The following MAP3K4 variants were observed in gnomAD, a reference collection of about 807,000 sequenced individuals.
MAP3K4 encodes the protein mitogen-activated protein kinase kinase kinase 4.
MAP3K4 carries 67 observed loss-of-function variants against 185.6 expected under a neutral mutation model. The ratio of observed to expected loss-of-function variants is 0.36; its 90% CI spans 0.30 to 0.44. The LOEUF is 0.44. Among genes scored for constraint, MAP3K4 ranks in the 20% least tolerant of loss-of-function variants. The probability of loss-of-function intolerance (pLI) is 1.00; values close to 1 mark genes in which losing one functional copy is unlikely to be tolerated. For synonymous variants in MAP3K4, 702 were observed against 710.4 expected, an observed-to-expected ratio of 0.99 and a Z score of 0.19; for missense variants, 1,551 against 1,995.1, an observed-to-expected ratio of 0.78 and a Z score of 4.24.
At chr6:161,045,994 T>A (rs1783713888) in intron 2 of MAP3K4, among the ~76,000 whole-genome samples, 1 of 152,190 alleles carries the variant, frequency 6.6e-6, no homozygotes, top group South Asian at 2.1e-4. Context: ...CTGTACATAC[T>A]AATAATTTCC....
rs1479622165 is a variant in MAP3K4 at position 161,063,560 on chromosome 6, C to G, written c.1708-7048C>G. Among the ~76,000 whole-genome samples, 1 of 152,132 alleles carries G rather than the reference C, an allele frequency of 6.6e-6. No individual in the cohort carries two copies. Among genetic ancestry groups the G allele is most frequent in the Non-Finnish European group, 1.5e-5 (1 of 68,016 alleles). ...TATTGTTTGAGGTCTGTGGACTGTT[C>G]TTCTTCCCATGTTCTCGATCTCCTC... is the stretch of plus-strand genomic sequence containing the variant. On this transcript the variant is annotated intron_variant, in intron 3 of 26. Coordinates refer to ENST00000392142, the MANE Select transcript of MAP3K4 (RefSeq NM_005922.4). This position sits in a 1 kb window ranked among gnomAD's most constrained non-coding sequence, Gnocchi z 5.4.
chr6:161,049,956 G>T lies in MAP3K4; in HGVS notation c.1684G>T (p.Val562Leu). Residue 562 changes from valine to leucine, a missense_variant, in exon 3 of 27, where the codon GTA becomes TTA. Coordinates refer to ENST00000392142, the MANE Select transcript of MAP3K4 (RefSeq NM_005922.4). This position sits in a 1 kb window ranked among gnomAD's most constrained non-coding sequence, Gnocchi z 8.4. ...GSLQRARIAL[V>L]KNDRPVEFSE... ...CTTGCAAAGGGCACGTATAGCATTG[G>T]TAAAGAACGATCGTCCAGTGGAGGT... The T allele has an allele frequency of 6.2e-7, 1 of 1,611,368 alleles. No individual in the cohort carries two copies. The highest frequency in any genetic ancestry group is 8.5e-7 in the Non-Finnish European group (1 of 1,178,734).
At chr6:161,006,648 CTCCTT>C (rs1781595433) in intron 1 of MAP3K4, among the ~76,000 whole-genome samples, 1 of 152,134 alleles carries the variant, frequency 6.6e-6, no homozygotes, top group Non-Finnish European at 1.5e-5. Context: ...ATTGAGCTCT[CTCCTT>C]TAAGGGATTT....
intron 1 of MAP3K4, among the ~76,000 whole-genome samples, chr6:161,032,179 A>T (rs1471180736): frequency 6.6e-6 from 1 of 152,194 alleles, no homozygotes; most frequent in Non-Finnish European, 1.5e-5. Flanking sequence ...TTAAATGAAA[A>T]CAGAAACCTT....
chr6:160,991,911 C>A lies in MAP3K4; in HGVS notation c.-21C>A. Reference sequence around the variant, plus strand: ...GCTGCAGCTTACTGCCCGCCGCGGCCATGCGGGGCTCCGTGCACGGATGAG... The same window carrying A: ...GCTGCAGCTTACTGCCCGCCGCGGCAATGCGGGGCTCCGTGCACGGATGAG... On this transcript the variant is annotated 5_prime_UTR_variant, in exon 1 of 27. Transcript: ENST00000392142. The surrounding 1 kb of genome is among the most constrained non-coding windows in gnomAD (Gnocchi z 5.7). 1 of 1,505,154 alleles carries A rather than the reference C, an allele frequency of 6.6e-7. No individual in the cohort carries two copies. The highest frequency in any genetic ancestry group is 2.3e-4 in the Middle Eastern group (1 of 4,398). 93.2% of individuals were successfully genotyped at this position (1,505,154 alleles called of 1,614,324 possible). A position where few individuals can be genotyped will look rare whatever the true frequency, so the allele number is the denominator to read the frequency against.
chr6:161,088,887 T>A lies in MAP3K4; in HGVS notation c.2824-435T>A, dbSNP rs1454363422. Among the ~76,000 whole-genome samples, 1 of 152,216 alleles carries A rather than the reference T, an allele frequency of 6.6e-6. No individual in the cohort carries two copies. Among genetic ancestry groups the A allele is most frequent in the Non-Finnish European group, 1.5e-5 (1 of 68,044 alleles). On this transcript the variant is annotated intron_variant, in intron 10 of 26. Coordinates refer to ENST00000392142, the MANE Select transcript of MAP3K4 (RefSeq NM_005922.4). The surrounding 1 kb of genome is among the most constrained non-coding windows in gnomAD (Gnocchi z 4.5). ...TAAAATACTGCAAAGATTCTTCATC[T>A]CTTAAGAACAAAAGTAATAAAGTCT... is the stretch of plus-strand genomic sequence containing the variant.
rs1785043109 is a variant in MAP3K4, at chr6:161,073,571, A to G, written c.2056A>G (p.Asn686Asp). The G allele has an allele frequency of 1.1e-5, 18 of 1,613,918 alleles. No homozygotes were observed. Among genetic ancestry groups the G allele is most frequent in the Non-Finnish European group, 1.5e-5 (18 of 1,179,972 alleles). ...GGAGGACTTGGAGAAGCCCGACTGCAACATTGACGCTTTTGAAGAGGATCT... is the reference window on the plus strand; with the variant it reads ...GGAGGACTTGGAGAAGCCCGACTGCGACATTGACGCTTTTGAAGAGGATCT... ...VLEDLEKPDC[N>D]IDAFEEDLHK... The change falls in exon 5 of 27, where the codon AAC (asparagine) becomes GAC (aspartate). Residue 686 changes from asparagine to aspartate, a missense_variant. This residue lies in a region of MAP3K4 where 130 missense variants were observed against 171.3 expected (regional missense o/e 0.76). Transcript: ENST00000392142. This position sits in a 1 kb window ranked among gnomAD's most constrained non-coding sequence, Gnocchi z 4.2.
rs541698421 is a variant in MAP3K4 at position 161,080,692 on chromosome 6, AT to A, written c.2098-183del. On this transcript the variant is annotated intron_variant, in intron 5 of 26. Transcript: ENST00000392142. This position sits in a 1 kb window ranked among gnomAD's most constrained non-coding sequence, Gnocchi z 4.8. ...AAATTGCTGGGGAGTTAGTTTTGTGATTTTTTAAAAAATCCTCATTTAGACC... is the reference window on the plus strand; with the variant it reads ...AAATTGCTGGGGAGTTAGTTTTGTGATTTTTAAAAAATCCTCATTTAGACC... 1 of 542,136 alleles carries A rather than the reference AT, an allele frequency of 1.8e-6. No individual in the cohort carries two copies. Among genetic ancestry groups the A allele is most frequent in the Non-Finnish European group, 3.3e-6 (1 of 307,638 alleles). The allele number at this position is 542,136 out of a possible 1,614,324, so 33.6% of individuals were successfully genotyped here. A position where few individuals can be genotyped will look rare whatever the true frequency, so the allele number is the denominator to read the frequency against.
At chr6:161,041,871 C>T (rs1416564363) in intron 2 of MAP3K4, among the ~76,000 whole-genome samples, 2 of 148,576 alleles carry the variant, frequency 1.3e-5, no homozygotes, top group Non-Finnish European at 3.0e-5. Flanking sequence ...CATGGACAGG[C>T]AGATGCTCTC....
At chr6:161,072,729 G>T (rs924158939) in intron 4 of MAP3K4, among the ~76,000 whole-genome samples, 7 of 152,180 alleles carry the variant, frequency 4.6e-5, no homozygotes, top group Admixed American at 6.5e-5. Flanking sequence ...GAATGTGACT[G>T]TGTGATCTCA....
At chr6:161,057,091 G>A (rs1784272285) in intron 3 of MAP3K4, among the ~76,000 whole-genome samples, 1 of 151,938 alleles carries the variant, frequency 6.6e-6, no homozygotes, top group Non-Finnish European at 1.5e-5. Context: ...TTTTTGTTTT[G>A]ATTACTGTCT....
intron 3 of MAP3K4, among the ~76,000 whole-genome samples, chr6:161,065,560 T>C (rs1402684409): frequency 6.6e-6 from 1 of 152,254 alleles, no homozygotes; most frequent in African/African-American, 2.4e-5. Flanking sequence ...ATCATATAGT[T>C]GTATCTGCCT....
Position 161,040,922 on chromosome 6 carries a change from A to T in MAP3K4, c.343+6473A>T, listed in dbSNP as rs117549645. On this transcript the variant is annotated intron_variant, in intron 2 of 26. Coordinates refer to ENST00000392142, the MANE Select transcript of MAP3K4 (RefSeq NM_005922.4). Reference sequence around the variant, plus strand: ...AACACTGTTCTGCATGCTGCTGGCCAGTGGGTTCTGCAGGTGCAGTTAACC... The same window carrying T: ...AACACTGTTCTGCATGCTGCTGGCCTGTGGGTTCTGCAGGTGCAGTTAACC... Among the ~76,000 whole-genome samples, 31 of 152,374 alleles carry T rather than the reference A, an allele frequency of 2.0e-4. No individual in the cohort carries two copies. In the South Asian group the frequency reaches 2.5e-3, roughly 12 times the overall value.
At chr6:161,078,473 T>C (rs1445466640) in intron 5 of MAP3K4, among the ~76,000 whole-genome samples, 1 of 152,096 alleles carries the variant, frequency 6.6e-6, no homozygotes. Flanking sequence ...GGGTTGTGAG[T>C]TGCAGAAAGA....
chr6:161,092,961 A>C lies in MAP3K4; in HGVS notation c.3270-17A>C, dbSNP rs1224321751. 6.4e-7 allele frequency: 1 copy of C among 1,569,806 alleles called. No homozygotes were observed. Among genetic ancestry groups the C allele is most frequent in the African/African-American group, 1.4e-5 (1 of 74,000 alleles). On this transcript the variant is annotated splice_polypyrimidine_tract_variant and intron_variant, in intron 13 of 26. Coordinates refer to ENST00000392142, the MANE Select transcript of MAP3K4 (RefSeq NM_005922.4). The stretch of plus-strand genomic sequence containing the variant: ...TTCTTGGTTGTTATGTGATTACTGA[A>C]CTTTTTCGTGTACCAGGTGGGCGAC...
At chr6:161,018,912 T>C (rs1282111034) in intron 1 of MAP3K4, among the ~76,000 whole-genome samples, 2 of 152,170 alleles carry the variant, frequency 1.3e-5, no homozygotes, top group African/African-American at 4.8e-5. Context: ...ATGATAGATA[T>C]GCTGGGTGGG....
chr6:161,108,683 G>A lies in MAP3K4; in HGVS notation c.4120-60G>A, dbSNP rs1457067089. 1 of 902,150 alleles carries A rather than the reference G, an allele frequency of 1.1e-6. No individual in the cohort carries two copies. Among genetic ancestry groups the A allele is most frequent in the African/African-American group, 1.6e-5 (1 of 61,110 alleles). The allele number at this position is 902,150 out of a possible 1,614,324, so 55.9% of individuals were successfully genotyped here. ...GGTGCAAAATGATGTTTCAGTGTAT[G>A]TGTATAATGTAGAGTGATTAAATCA... On this transcript the variant is annotated intron_variant, in intron 21 of 26. Transcript: ENST00000392142. The surrounding 1 kb of genome is among the most constrained non-coding windows in gnomAD (Gnocchi z 5.7).
Position 161,089,323 on chromosome 6 carries a change from T to C in MAP3K4, c.2825T>C (p.Val942Ala), listed in dbSNP as rs755226389. The change falls in exon 11 of 27, where the codon GTG becomes GCG. Residue 942 changes from valine (V) to alanine (A), a missense_variant and splice_region_variant. Val to Ala is a moderately conservative substitution (Grantham distance 64, BLOSUM62 0). Coordinates refer to ENST00000392142, the MANE Select transcript of MAP3K4 (RefSeq NM_005922.4). ...TCCTGTGCTTGATTTTCCTCCCAGGTGGATAATCTTTTACTAGTTGTCATG... is the reference window on the plus strand; with the variant it reads ...TCCTGTGCTTGATTTTCCTCCCAGGCGGATAATCTTTTACTAGTTGTCATG... ...ETVDTLRSMQVDNLLLVVMQS... is the reference protein window; with the variant it reads ...ETVDTLRSMQADNLLLVVMQS... 6.2e-7 allele frequency: 1 copy of C among 1,612,010 alleles called. No individual in the cohort carries two copies. Among genetic ancestry groups the C allele is most frequent in the Admixed American group, 1.7e-5 (1 of 59,682 alleles).
chr6:161,040,147 A>C (rs577319465), intron 2 of MAP3K4, among the ~76,000 whole-genome samples: 1 of 152,318 alleles, frequency 6.6e-6, no homozygotes, highest in East Asian at 1.9e-4. Context: ...CTGTATTAGT[A>C]ATATAAAAAT....
Sources: allele counts gnomAD v4.1 joint callset (sites outside exome capture counted in the v4.1 genomes callset), GRCh38; gene constraint gnomAD v4.1.1; regional missense constraint gnomAD v4.1.1; non-coding constraint Gnocchi (gnomAD v3.1); transcripts MANE v1.5; gene names NCBI Gene and HGNC (gene_info 2026-07-23, HGNC 2026-07-21).